HECTD2: variants seen among roughly 807,000 people sequenced by gnomAD.
HECTD2 encodes probable E3 ubiquitin-protein ligase HECTD2.
A neutral mutation model predicts 103.2 loss-of-function variants in HECTD2; 35 were observed. The ratio of observed to expected loss-of-function variants is 0.34; its 90% confidence interval spans 0.26 to 0.45. The LOEUF is 0.45. Among genes scored for constraint, HECTD2 ranks in the 20% least tolerant of loss-of-function variants. The pLI is 1.00. For missense variants in HECTD2, 596 were observed against 937.4 expected (o/e 0.64, Z 4.76); for synonymous variants, 281 against 329.9 (o/e 0.85, Z 1.61).
At chr10:91,478,320 T>C in intron 6 of HECTD2, 55 bp downstream of exon 6, 3 of 1,047,992 alleles carry the variant, frequency 2.9e-6, no homozygotes, top group Non-Finnish European at 4.5e-6. Context: ...AACTTACACA[T>C]CATATATCTT....
At position 91,507,302 on chromosome 10, in the gene HECTD2, G is replaced by T. The variant is rs1223894893; in HGVS notation, c.2211-4962G>T. Among the ~76,000 whole-genome samples the T allele has an allele frequency of 6.6e-5, 10 of 151,428 alleles. No homozygotes were observed. The East Asian group carries it at 1.8e-3, about 27-fold the overall frequency. On this transcript the variant is annotated intron_variant, in intron 20 of 20. Transcript: ENST00000298068. ...CAATTAGACAGGAGAAGGAAATAAA[G>T]GGTATTCAATTAGGAAAAGAGGAAG...
chr10:91,431,511 G>A (rs1589472904), intron 2 of HECTD2, among the ~76,000 whole-genome samples: 1 of 152,078 alleles, frequency 6.6e-6, no homozygotes, highest in East Asian at 1.9e-4. Context: ...TCACTTTCAG[G>A]TACACCAATC....
intron 11 of HECTD2, among the ~76,000 whole-genome samples, chr10:91,490,841 G>A (rs1341085502): frequency 7.1e-6 from 1 of 140,506 alleles, no homozygotes; most frequent in East Asian, 2.1e-4. Context: ...CAGTGAGCCG[G>A]GATAGCGCCA....
chr10:91,423,413 A>T (rs1777715190), intron 1 of HECTD2, among the ~76,000 whole-genome samples: 1 of 152,186 alleles, frequency 6.6e-6, no homozygotes, highest in African/African-American at 2.4e-5. Flanking sequence ...GTTTCCTAAC[A>T]CAGAAATATT....
intron 4 of HECTD2, among the ~76,000 whole-genome samples, chr10:91,461,584 T>G (rs1038059220): frequency 6.6e-6 from 1 of 152,150 alleles, no homozygotes; most frequent in African/African-American, 2.4e-5. Context: ...AGTCTCACTC[T>G]GTTGCCCAGG....
chr10:91,497,167 G>A (rs1305690780), intron 15 of HECTD2, among the ~76,000 whole-genome samples: 2 of 142,164 alleles, frequency 1.4e-5, no homozygotes, highest in Admixed American at 1.4e-4. Flanking sequence ...GCAGAGACGG[G>A]GTTTTGCCAT....
chr10:91,458,784 A>G (rs563133242), intron 2 of HECTD2, among the ~76,000 whole-genome samples: 1 of 151,980 alleles, frequency 6.6e-6, no homozygotes, highest in Admixed American at 6.6e-5. Flanking sequence ...GGACTTTTAG[A>G]AAAAAAATGA....
chr10:91,439,730 C>A (rs1379828313), intron 2 of HECTD2, among the ~76,000 whole-genome samples: 4 of 152,088 alleles, frequency 2.6e-5, no homozygotes, highest in Non-Finnish European at 5.9e-5. Flanking sequence ...AATGTTTTTC[C>A]CTTTGTTTGT....
rs1845729915 is a variant in HECTD2, at chr10:91,471,597, A to G, written c.601-6604A>G. Among the ~76,000 whole-genome samples the G allele has an allele frequency of 5.9e-5, 9 of 152,330 alleles. No individual in the cohort carries two copies. The South Asian group carries it at 1.9e-3, about 32-fold the overall frequency. ...TCTGCCCAAAAGCTCCTAGACATGAAGAACAATTTCAGCAAAGTTTCTGAA... is the reference window on the plus strand; with the variant it reads ...TCTGCCCAAAAGCTCCTAGACATGAGGAACAATTTCAGCAAAGTTTCTGAA... On this transcript the variant is annotated intron_variant, in intron 5 of 20. Transcript: ENST00000298068.
chr10:91,436,611 C>CT (rs1275920233), intron 2 of HECTD2, among the ~76,000 whole-genome samples: 1 of 151,986 alleles, frequency 6.6e-6, no homozygotes, highest in Non-Finnish European at 1.5e-5. Flanking sequence ...AATTTCCAGA[C>CT]TTTTGCTTGA....
intron 2 of HECTD2, among the ~76,000 whole-genome samples, chr10:91,444,903 A>T (rs1418304603): frequency 6.6e-6 from 1 of 152,212 alleles, no homozygotes; most frequent in Non-Finnish European, 1.5e-5. Flanking sequence ...ACTGTGCTGA[A>T]CTGATAAGCA....
chr10:91,413,824 T>C (rs1843015508), intron 1 of HECTD2, among the ~76,000 whole-genome samples: 1 of 152,188 alleles, frequency 6.6e-6, no homozygotes, highest in Non-Finnish European at 1.5e-5. Context: ...CTCAAGAGGC[T>C]CAAGATGGAG....
chr10:91,496,331 A>G lies in HECTD2; in HGVS notation c.1639A>G (p.Ile547Val), dbSNP rs1472517699. The change falls in exon 15 of 21, where the codon ATC becomes GTC. Residue 547 changes from isoleucine (I) to valine (V), a missense_variant. Ile to Val is a conservative substitution (Grantham distance 29). Transcript: ENST00000298068. ...IPSDQNIPVG[I>V]CNVTVDDLCQ... Reference sequence around the variant, plus strand: ...TAGTGATCAAAATATACCAGTAGGCATCTGCAATGTTACCGTGGACGACTT... The same window carrying G: ...TAGTGATCAAAATATACCAGTAGGCGTCTGCAATGTTACCGTGGACGACTT... 2 of 1,612,514 alleles carry G rather than the reference A, an allele frequency of 1.2e-6. No individual in the cohort carries two copies. Among genetic ancestry groups the G allele is most frequent in the Admixed American group, 1.7e-5 (1 of 59,946 alleles).
intron 2 of HECTD2, among the ~76,000 whole-genome samples, chr10:91,454,789 A>C (rs1845001719): frequency 6.6e-6 from 1 of 150,612 alleles, no homozygotes; most frequent in Non-Finnish European, 1.5e-5. Context: ...CTCATTGTTC[A>C]ATTTCCACCT....
At chr10:91,473,920 ACT>A (rs1037406643) in intron 5 of HECTD2, among the ~76,000 whole-genome samples, 45 of 152,102 alleles carry the variant, frequency 3.0e-4, no homozygotes, top group Middle Eastern at 6.8e-3. Context: ...AGCATTCCTA[ACT>A]CTCATGTTGT....
chr10:91,470,581 A>T (rs1845688174), intron 5 of HECTD2, among the ~76,000 whole-genome samples: 2 of 152,164 alleles, frequency 1.3e-5, no homozygotes, highest in Admixed American at 1.3e-4. Flanking sequence ...CTAAATGCCT[A>T]CATCAAAAAT....
intron 20 of HECTD2, among the ~76,000 whole-genome samples, chr10:91,510,073 G>A (rs1452754658): frequency 1.3e-5 from 2 of 152,292 alleles, no homozygotes; most frequent in African/African-American, 2.4e-5. Flanking sequence ...GGCACAATAA[G>A]CCAGTGCAGG....
chr10:91,423,053 TA>T (rs1359373798), intron 1 of HECTD2, among the ~76,000 whole-genome samples: 2 of 152,164 alleles, frequency 1.3e-5, no homozygotes, highest in East Asian at 3.8e-4. Flanking sequence ...CTAAAGCGAT[TA>T]AATTTAACTC....
At chr10:91,499,176 T>A (rs775414432) in intron 18 of HECTD2, 26 bp downstream of exon 18, 1 of 1,394,650 alleles carries the variant, frequency 7.2e-7, no homozygotes, top group Non-Finnish European at 1.0e-6. Context: ...TAAATCAAGC[T>A]TTCGGTTAGC....
Sources: allele counts gnomAD v4.1 joint callset (sites outside exome capture counted in the v4.1 genomes callset), GRCh38; gene constraint gnomAD v4.1.1; transcripts MANE v1.5; gene names NCBI Gene and HGNC (gene_info 2026-07-23, HGNC 2026-07-21).